Variants in GALK2 observed in about 807,000 individuals in gnomAD.
GALK2 encodes the protein N-acetylgalactosamine kinase.
GALK2 carries 36 observed loss-of-function variants against 52.4 expected under a neutral mutation model. The observed-to-expected ratio is 0.69, with a 90% CI of 0.53 to 0.91. GALK2 has a LOEUF of 0.91. Among genes scored for constraint, GALK2 ranks in the 40% least tolerant of loss-of-function variants. The pLI is 0.00. For missense variants in GALK2, 579 were observed against 559.1 expected (o/e 1.04, Z -0.36); for synonymous variants, 176 against 199.1 (o/e 0.88, Z 0.98).
intron 5 of GALK2, among the ~76,000 whole-genome samples, chr15:49,255,047 A>G (rs926465152): frequency 1.4e-5 from 2 of 143,648 alleles, no homozygotes; most frequent in Admixed American, 1.4e-4. Context: ...ACCTCTGAGT[A>G]CATCAATATT....
At chr15:49,230,178 G>A (rs566579586) in intron 3 of GALK2, among the ~76,000 whole-genome samples, 1 of 152,236 alleles carries the variant, frequency 6.6e-6, no homozygotes, top group South Asian at 2.1e-4. Context: ...TGGGATCTCA[G>A]GATAGTGATG....
chr15:49,210,430 A>T (rs1471720135), intron 2 of GALK2, among the ~76,000 whole-genome samples: 1 of 148,880 alleles, frequency 6.7e-6, no homozygotes, highest in South Asian at 2.1e-4. Flanking sequence ...ATTTTATTTT[A>T]TTTTATTTTA....
intron 5 of GALK2, among the ~76,000 whole-genome samples, chr15:49,242,300 T>A (rs2091136399): frequency 6.6e-6 from 1 of 152,134 alleles, no homozygotes; most frequent in Admixed American, 6.5e-5. Context: ...CTAGGAAGGG[T>A]TCTCTTGTGA....
chr15:49,270,637 A>G (rs1305584563), intron 5 of GALK2, among the ~76,000 whole-genome samples: 1 of 152,178 alleles, frequency 6.6e-6, no homozygotes, highest in Non-Finnish European at 1.5e-5. Context: ...GCTTCCCACT[A>G]CATGTCAAAG....
chr15:49,283,443 A>G (rs1264387578), intron 6 of GALK2, 123 bp from the exon 7 acceptor site: 1 of 818,436 alleles, frequency 1.2e-6, no homozygotes, highest in Non-Finnish European at 1.9e-6. Context: ...CTGGAGGTCA[A>G]TAAGTAATAT....
intron 5 of GALK2, among the ~76,000 whole-genome samples, chr15:49,263,857 G>T (rs1279952221): frequency 1.0e-4 from 15 of 148,940 alleles, no homozygotes; most frequent in South Asian, 2.2e-4. Context: ...ATGAAATTCT[G>T]GGTTGAAAAT....
chr15:49,289,940 G>A (rs2033769762), intron 7 of GALK2, among the ~76,000 whole-genome samples: 1 of 152,184 alleles, frequency 6.6e-6, no homozygotes, highest in East Asian at 1.9e-4. Flanking sequence ...ACAGAGCTCA[G>A]GAACCTCTCA....
chr15:49,366,211 C>T, intron 3 of GALK2: 1 of 793,038 alleles, frequency 1.3e-6, no homozygotes, highest in Non-Finnish European at 2.3e-6. Flanking sequence ...AACACATTTT[C>T]ACAGTAATGT....
chr15:49,184,004 C>T lies in GALK2; in HGVS notation c.53+13629C>T, dbSNP rs1446925251. 3.3e-5 allele frequency among the ~76,000 whole-genome samples: 5 copies of T among 152,072 alleles called. No individual in the cohort carries two copies. In the South Asian group the frequency reaches 6.2e-4, roughly 19 times the overall value. ...GGTCCATTTGTTATAGTGCAGATTACGTCTCATGTTTCTTTGTTGATTTTC... is the reference window on the plus strand; with the variant it reads ...GGTCCATTTGTTATAGTGCAGATTATGTCTCATGTTTCTTTGTTGATTTTC... On this transcript the variant is annotated intron_variant, in intron 1 of 9. Transcript: ENST00000560031.
At chr15:49,359,640 G>C (rs9744790) in intron 3 of GALK2, among the ~76,000 whole-genome samples, 2,464 of 129,380 alleles carry the variant, frequency 0.019, 140 homozygotes, top group African/African-American at 0.07. Context: ...CACTGTTGGT[G>C]GGACTGTAAA....
At chr15:49,272,034 T>C (rs1290243843) in intron 5 of GALK2, among the ~76,000 whole-genome samples, 1 of 152,234 alleles carries the variant, frequency 6.6e-6, no homozygotes, top group African/African-American at 2.4e-5. Context: ...CAGATATGCA[T>C]AAATTGTGCT....
At chr15:49,343,575 G>C (rs1487948143) in intron 3 of GALK2, 2 of 152,134 alleles carry the variant, frequency 1.3e-5, no homozygotes, top group African/African-American at 4.8e-5. Context: ...GCCATCCCAG[G>C]AAGTTTCTTC....
chr15:49,322,804 A>G (rs751758564), intron 9 of GALK2, among the ~76,000 whole-genome samples: 1 of 151,992 alleles, frequency 6.6e-6, no homozygotes, highest in Non-Finnish European at 1.5e-5. Context: ...AAAAATACAA[A>G]AAATTAGCCG....
intron 5 of GALK2, among the ~76,000 whole-genome samples, chr15:49,277,773 G>T (rs975415269): frequency 3.3e-5 from 5 of 151,532 alleles, no homozygotes; most frequent in African/African-American, 1.2e-4. Flanking sequence ...TCCAGCCTGC[G>T]GACAGAGTGA....
At chr15:49,336,224 G>C (rs2039689687), downstream of GALK2, among the ~76,000 whole-genome samples, 1 of 152,264 alleles carries the variant, frequency 6.6e-6, no homozygotes, top group Non-Finnish European at 1.5e-5. Context: ...CTTCCCAGAA[G>C]AAAGGTGGTA....
intron 2 of GALK2, among the ~76,000 whole-genome samples, chr15:49,208,965 G>T (rs1343052465): frequency 6.6e-6 from 1 of 152,100 alleles, no homozygotes; most frequent in African/African-American, 2.4e-5. Context: ...TCTAATATAA[G>T]AATGGCTACC....
chr15:49,217,324 A>G lies in GALK2; in HGVS notation c.266+11A>G. Reference sequence around the variant, plus strand: ...AAATCCCTTGTATCCGTGAGTATTTAAAATTGTTAGTGTGTGTGTATGTAT... The same window carrying G: ...AAATCCCTTGTATCCGTGAGTATTTGAAATTGTTAGTGTGTGTGTATGTAT... On this transcript the variant is annotated intron_variant, in intron 3 of 9. Transcript: ENST00000560031. 1 of 1,613,534 alleles carries G rather than the reference A, an allele frequency of 6.2e-7. No individual in the cohort carries two copies. Among genetic ancestry groups the G allele is most frequent in the East Asian group, 2.2e-5 (1 of 44,838 alleles).
Position 49,329,275 on chromosome 15 carries a change from T to C in GALK2, c.*1116T>C. On this transcript the variant is annotated 3_prime_UTR_variant, in exon 10 of 10. Coordinates refer to ENST00000560031, the MANE Select transcript of GALK2 (RefSeq NM_002044.4). Reference sequence around the variant, plus strand: ...GTGGGCAGAAATGTTTGGCTGGTGATGGCAAATGACTGGCTTTCTCTTGTG... The same window carrying C: ...GTGGGCAGAAATGTTTGGCTGGTGACGGCAAATGACTGGCTTTCTCTTGTG... 1.0e-6 allele frequency: 1 copy of C among 985,498 alleles called. No homozygotes were observed. Among genetic ancestry groups the C allele is most frequent in the Non-Finnish European group, 1.2e-6 (1 of 829,974 alleles). The allele number at this position is 985,498 out of a possible 1,614,324, so 61.0% of individuals were successfully genotyped here. A position where few individuals can be genotyped will look rare whatever the true frequency, so the allele number is the denominator to read the frequency against.
intron 8 of GALK2, among the ~76,000 whole-genome samples, chr15:49,316,744 C>T (rs1227944136): frequency 2.0e-5 from 3 of 152,044 alleles, no homozygotes; most frequent in Non-Finnish European, 4.4e-5. Flanking sequence ...GGGGCAGACC[C>T]AGGAGGAGAG....
Sources: allele counts gnomAD v4.1 joint callset (sites outside exome capture counted in the v4.1 genomes callset), GRCh38; gene constraint gnomAD v4.1.1; transcripts MANE v1.5; gene names NCBI Gene and HGNC (gene_info 2026-07-23, HGNC 2026-07-21).